Variants in LPP observed in about 807,000 individuals in gnomAD.
The protein encoded by LPP is lipoma-preferred partner.
LPP carries 38 observed loss-of-function variants against 60.4 expected under a neutral mutation model. The ratio of observed to expected loss-of-function variants is 0.63; its 90% confidence interval spans 0.49 to 0.83. LPP has a LOEUF of 0.83. LPP is among the 40% of genes least tolerant of loss of function. The pLI is 0.00. For synonymous variants in LPP, 328 were observed against 290.8 expected, an observed-to-expected ratio of 1.13 and a Z score of -1.30; for missense variants, 902 against 783.6, an observed-to-expected ratio of 1.15 and a Z score of -1.80.
chr3:188,311,471 T>TTTAAACTAAA (rs1312172250), intron 2 of LPP, among the ~76,000 whole-genome samples: 1 of 141,946 alleles, frequency 7.0e-6, no homozygotes, highest in African/African-American at 2.7e-5. Context: ...AGACCCTATC[T>TTTAAACTAAA]CTAAACTAAA....
At chr3:188,329,463 A>G (rs1436134209) in intron 2 of LPP, among the ~76,000 whole-genome samples, 1 of 152,158 alleles carries the variant, frequency 6.6e-6, no homozygotes, top group Non-Finnish European at 1.5e-5. Flanking sequence ...TATTTTCATT[A>G]AACTTACTGG....
At chr3:188,292,995 C>A (rs1283758047) in intron 2 of LPP, among the ~76,000 whole-genome samples, 4 of 152,206 alleles carry the variant, frequency 2.6e-5, no homozygotes, top group Admixed American at 6.5e-5. Flanking sequence ...TCCAACTCTA[C>A]AAACAAGGTT....
chr3:188,257,357 G>A (rs1480590052), intron 2 of LPP, among the ~76,000 whole-genome samples: 1 of 152,144 alleles, frequency 6.6e-6, no homozygotes, highest in Non-Finnish European at 1.5e-5. Context: ...GCACAGTGAG[G>A]GTGACGGTCG....
At chr3:188,418,152 A>G (rs1786827565) in intron 4 of LPP, among the ~76,000 whole-genome samples, 2 of 152,298 alleles carry the variant, frequency 1.3e-5, no homozygotes, top group African/African-American at 2.4e-5. Flanking sequence ...GTTCCTAAAG[A>G]CAAATGAAAA....
At position 188,877,352 on chromosome 3, in the gene LPP, A is replaced by G. The variant is rs3846192; in HGVS notation, c.*2873A>G. 7,462 of 181,216 alleles carry G rather than the reference A, an allele frequency of 0.041. 221 individuals carry two copies. The highest frequency in any genetic ancestry group is 0.064 in the Non-Finnish European group (5,430 of 84,764). 11.2% of individuals were successfully genotyped at this position (181,216 alleles called of 1,614,324 possible). On this transcript the variant is annotated 3_prime_UTR_variant, in exon 12 of 12. Transcript: ENST00000617246. ...CAGAGTCTATAACAGAAAGTTTGTA[A>G]AAATATACTGATTTTGAAAAGTATC... is the stretch of plus-strand genomic sequence containing the variant.
At chr3:188,208,040 C>T (rs1000798771) in intron 1 of LPP, among the ~76,000 whole-genome samples, 9 of 152,224 alleles carry the variant, frequency 5.9e-5, no homozygotes, top group African/African-American at 1.9e-4. Flanking sequence ...CAATAAATTA[C>T]TTTAGTGTCT....
At chr3:188,179,038 CAG>C (rs10616335) in intron 1 of LPP, 84,772 of 168,302 alleles carry the variant, frequency 0.5, 20,700 homozygotes, top group East Asian at 0.76. Context: ...GGGAGAGAGA[CAG>C]AGAGAGAGAG....
Position 188,154,200 on chromosome 3 carries a change from G to GCCGCCGCCGCCGCCACCACCA in LPP, c.-234_-214dup, listed in dbSNP as rs1553796026. 4.5e-6 allele frequency: 1 copy of GCCGCCGCCGCCGCCACCACCA among 221,650 alleles called. No homozygotes were observed. The highest frequency in any genetic ancestry group is 2.4e-5 in the African/African-American group (1 of 41,950). 13.7% of individuals were successfully genotyped at this position (221,650 alleles called of 1,614,324 possible). ...GCCTCCGCCTCCAGCCGCCGCCGCC[G>GCCGCCGCCGCCGCCACCACCA]CCGCCGCCGCCGCCACCACCACCGC... On this transcript the variant is annotated 5_prime_UTR_variant, in exon 1 of 12. Coordinates refer to ENST00000617246, the MANE Select transcript of LPP (RefSeq NM_001375462.1).
chr3:188,641,340 A>G (rs968228291), intron 7 of LPP, among the ~76,000 whole-genome samples: 1 of 152,246 alleles, frequency 6.6e-6, no homozygotes, highest in Non-Finnish European at 1.5e-5. Context: ...ACACATGCAT[A>G]GAAGTGTACA....
At chr3:188,215,125 A>T (rs569308642) in intron 1 of LPP, among the ~76,000 whole-genome samples, 1 of 152,002 alleles carries the variant, frequency 6.6e-6, no homozygotes, top group Admixed American at 6.6e-5. Context: ...GGCCAACGTG[A>T]TGAATCCCCA....
intron 7 of LPP, among the ~76,000 whole-genome samples, chr3:188,672,017 T>C (rs796178832): frequency 1.3e-5 from 2 of 152,230 alleles, no homozygotes; most frequent in South Asian, 2.1e-4. Context: ...GCAATCATTG[T>C]TTAAATAGAA....
chr3:188,607,645 G>A (rs1019994299), intron 6 of LPP, among the ~76,000 whole-genome samples: 6 of 151,328 alleles, frequency 4.0e-5, no homozygotes, highest in African/African-American at 7.3e-5. Flanking sequence ...TTTCGTTTTT[G>A]TTTTTGCAGG....
At chr3:188,263,853 A>T (rs906066263) in intron 2 of LPP, among the ~76,000 whole-genome samples, 2 of 152,058 alleles carry the variant, frequency 1.3e-5, no homozygotes, top group African/African-American at 4.8e-5. Flanking sequence ...CTCACTCCTA[A>T]ACTGTTGGCG....
At chr3:188,261,461 C>T (rs1027510048) in intron 2 of LPP, among the ~76,000 whole-genome samples, 3 of 152,072 alleles carry the variant, frequency 2.0e-5, no homozygotes, top group African/African-American at 7.2e-5. Flanking sequence ...TTTCACTCAG[C>T]AATATGCCTT....
chr3:188,556,612 G>T (rs1242130108), intron 6 of LPP, among the ~76,000 whole-genome samples: 2 of 151,054 alleles, frequency 1.3e-5, no homozygotes, highest in East Asian at 3.9e-4. Flanking sequence ...TTGTTTTTTT[G>T]GTTTGATTTT....
At chr3:188,861,039 A>G (rs1765083615) in intron 9 of LPP, among the ~76,000 whole-genome samples, 1 of 152,236 alleles carries the variant, frequency 6.6e-6, no homozygotes, top group Non-Finnish European at 1.5e-5. Context: ...TGAATCCAGC[A>G]GTTGGACTAG....
intron 2 of LPP, among the ~76,000 whole-genome samples, chr3:188,318,871 G>A (rs916472742): frequency 1.4e-5 from 2 of 144,530 alleles, no homozygotes; most frequent in East Asian, 4.0e-4. Flanking sequence ...CCATTCTCCT[G>A]CCTCAGCCTC....
intron 6 of LPP, among the ~76,000 whole-genome samples, chr3:188,602,867 G>A (rs907999402): frequency 1.3e-5 from 2 of 150,998 alleles, no homozygotes; most frequent in South Asian, 2.1e-4. Flanking sequence ...TTTTTTTCTC[G>A]GTCTCCCAAG....
chr3:188,723,073 G>A (rs1056722667), intron 8 of LPP, among the ~76,000 whole-genome samples: 2 of 152,244 alleles, frequency 1.3e-5, no homozygotes, highest in Non-Finnish European at 1.5e-5. Flanking sequence ...CAATGTTCTC[G>A]TTTGCTGAGC....
Sources: gnomAD v4.1 joint callset for allele counts (sites outside exome capture counted in the v4.1 genomes callset) on GRCh38, gnomAD v4.1.1 for gene constraint, MANE v1.5 for transcripts, NCBI Gene and HGNC (gene_info 2026-07-23, HGNC 2026-07-21) for gene names.